CFAP95: variants seen among roughly 807,000 people sequenced by gnomAD.
CFAP95 encodes cilia and flagella associated protein 95.
the CFAP95 span, among the ~76,000 whole-genome samples, chr9:69,841,247 G>A: frequency 4.3e-5 from 6 of 139,314 alleles, no homozygotes; most frequent in East Asian, 1.3e-3. Context: ...TATGGGCCCT[G>A]GGCCTTCTTC....
chr9:69,858,018 C>T, the CFAP95 span: 3 of 1,587,180 alleles, frequency 1.9e-6, no homozygotes, highest in Non-Finnish European at 2.6e-6. Context: ...CAAAATGTTT[C>T]TTGATTCAGA....
At chr9:69,823,554 A>G in the CFAP95 span, among the ~76,000 whole-genome samples, 1 of 152,158 alleles carries the variant, frequency 6.6e-6, no homozygotes, top group Non-Finnish European at 1.5e-5. Context: ...AGATTACATG[A>G]GGTATGATAT....
chr9:69,858,143 A>G, the CFAP95 span: 1 of 588,852 alleles, frequency 1.7e-6, no homozygotes. Context: ...CACATGCACA[A>G]CATTAATAAC....
the CFAP95 span, chr9:69,856,747 A>G: frequency 1.0e-6 from 1 of 962,028 alleles, no homozygotes; most frequent in Non-Finnish European, 1.6e-6. Flanking sequence ...GCAAAAAGGT[A>G]TAGTGACCCC....
At chr9:69,890,699 T>A in the CFAP95 span, among the ~76,000 whole-genome samples, 2 of 152,240 alleles carry the variant, frequency 1.3e-5, no homozygotes, top group African/African-American at 4.8e-5. Flanking sequence ...ATGCAAGTTT[T>A]GAAGAAATCT....
chr9:69,887,887 C>G, the CFAP95 span, among the ~76,000 whole-genome samples: 11 of 152,298 alleles, frequency 7.2e-5, no homozygotes, highest in African/African-American at 2.6e-4. Flanking sequence ...GCTTGACTTA[C>G]GAGTGAGGAA....
the CFAP95 span, among the ~76,000 whole-genome samples, chr9:69,831,147 T>C: frequency 6.6e-6 from 1 of 152,198 alleles, no homozygotes; most frequent in Admixed American, 6.5e-5. Flanking sequence ...GGTAAGCTAC[T>C]AGATCTCCAA....
At chr9:69,898,824 T>G in the CFAP95 span, among the ~76,000 whole-genome samples, 1 of 152,198 alleles carries the variant, frequency 6.6e-6, no homozygotes, top group African/African-American at 2.4e-5. Flanking sequence ...TTTACTGATG[T>G]CATCTTAAAT....
At chr9:69,879,347 T>A in the CFAP95 span, among the ~76,000 whole-genome samples, 1 of 152,092 alleles carries the variant, frequency 6.6e-6, no homozygotes, top group Non-Finnish European at 1.5e-5. Context: ...GATGGCTAAA[T>A]AGTAGAAAGG....
the CFAP95 span, among the ~76,000 whole-genome samples, chr9:69,841,360 T>C: frequency 4.6e-5 from 7 of 151,710 alleles, no homozygotes; most frequent in East Asian, 5.8e-4. Flanking sequence ...TCCGGTTTTA[T>C]TGCCTCAGGG....
the CFAP95 span, among the ~76,000 whole-genome samples, chr9:69,877,286 A>G: frequency 3.3e-5 from 5 of 152,102 alleles, no homozygotes; most frequent in Non-Finnish European, 5.9e-5. Flanking sequence ...CAATTGGTCT[A>G]TTTTTATACT....
chr9:69,873,847 C>T, the CFAP95 span, among the ~76,000 whole-genome samples: 2 of 152,194 alleles, frequency 1.3e-5, no homozygotes, highest in Admixed American at 1.3e-4. Flanking sequence ...TTGGGTACAT[C>T]ATCTTGTCAT....
At chr9:69,864,217 A>C in the CFAP95 span, among the ~76,000 whole-genome samples, 1 of 152,232 alleles carries the variant, frequency 6.6e-6, no homozygotes, top group African/African-American at 2.4e-5. Flanking sequence ...TCAACAATTC[A>C]TCCAAACATT....
At chr9:69,864,695 G>C in the CFAP95 span, among the ~76,000 whole-genome samples, 8 of 152,064 alleles carry the variant, frequency 5.3e-5, no homozygotes, top group African/African-American at 1.7e-4. Flanking sequence ...AGCAAGCCTG[G>C]GCTGCAGTTT....
the CFAP95 span, among the ~76,000 whole-genome samples, chr9:69,864,754 C>T: frequency 6.6e-6 from 1 of 152,114 alleles, no homozygotes; most frequent in African/African-American, 2.4e-5. Context: ...ATCTATAAAA[C>T]CTTTGGTACT....
the CFAP95 span, among the ~76,000 whole-genome samples, chr9:69,902,601 T>G: frequency 6.6e-6 from 1 of 152,208 alleles, no homozygotes; most frequent in East Asian, 1.9e-4. Flanking sequence ...TTGTCCAGGA[T>G]TCCCACAATA....
the CFAP95 span, among the ~76,000 whole-genome samples, chr9:69,847,889 T>A: frequency 6.6e-6 from 1 of 152,220 alleles, no homozygotes; most frequent in Non-Finnish European, 1.5e-5. Context: ...TACTTTTGTC[T>A]ACGTTTTGGC....
chr9:69,837,780 G>T, the CFAP95 span, among the ~76,000 whole-genome samples: 3 of 152,124 alleles, frequency 2.0e-5, no homozygotes, highest in South Asian at 4.1e-4. Context: ...CATTGCTTTT[G>T]GTGTTTTAGA....
the CFAP95 span, among the ~76,000 whole-genome samples, chr9:69,865,326 G>A: frequency 6.6e-6 from 1 of 152,164 alleles, no homozygotes; most frequent in Admixed American, 6.6e-5. Flanking sequence ...TAATACAGAT[G>A]AGGAGGAGGA....
Sources: gnomAD v4.1 joint callset for allele counts (sites outside exome capture counted in the v4.1 genomes callset) on GRCh38, gnomAD v4.1.1 for gene constraint, MANE v1.5 for transcripts, NCBI Gene and HGNC (gene_info 2026-07-23, HGNC 2026-07-21) for gene names.